The following TAS2R43 variants were observed in gnomAD, a reference collection of about 807,000 sequenced individuals.
The protein encoded by TAS2R43 is taste receptor type 2 member 43.
For synonymous variants in TAS2R43, 76 were observed against 117.4 expected (o/e 0.65, Z 2.28); for missense variants, 246 against 348.2 (o/e 0.71, Z 2.34).
At position 11,092,309 on chromosome 12, in the gene TAS2R43, G is replaced by C. The variant is rs1274794149; in HGVS notation, c.-80C>G. ...TTCCTGCAGGTGGGTTCGTGGTCTC[G>C]CTGACTTCAAAAGGGAGCCACTGAC... On this transcript the variant is annotated 5_prime_UTR_variant, in exon 1 of 1. Transcript: ENST00000531678. The C allele has an allele frequency of 1.1e-4, 97 of 901,722 alleles. 10 individuals carry two copies. Among genetic ancestry groups the C allele is most frequent in the Middle Eastern group, 6.3e-4 (3 of 4,768 alleles). The allele number at this position is 901,722 out of a possible 1,614,324, so 55.9% of individuals were successfully genotyped here. A position where few individuals can be genotyped will look rare whatever the true frequency, so the allele number is the denominator to read the frequency against.
At position 11,091,923 on chromosome 12, in the gene TAS2R43, T is replaced by A. The variant is rs753311828; in HGVS notation, c.307A>T (p.Ser103Cys). 1 of 1,231,330 alleles carries A rather than the reference T, an allele frequency of 8.1e-7. No homozygotes were observed. The highest frequency in any genetic ancestry group is 1.2e-6 in the Non-Finnish European group (1 of 868,424). The allele number at this position is 1,231,330 out of a possible 1,614,324, so 76.3% of individuals were successfully genotyped here. A position where few individuals can be genotyped will look rare whatever the true frequency, so the allele number is the denominator to read the frequency against. The change falls in exon 1 of 1, where the codon AGC becomes TGC. Residue 103 changes from serine to cysteine, a missense_variant. Ser to Cys is a moderately radical substitution (Grantham distance 112). Coordinates refer to ENST00000531678, the MANE Select transcript of TAS2R43 (RefSeq NM_176884.2). ...HFSNWLATTLSIFYLLKIANF... is the reference protein window; with the variant it reads ...HFSNWLATTLCIFYLLKIANF... The stretch of plus-strand genomic sequence containing the variant: ...GCAATCTTGAGCAAATAAAATATGC[T>A]GAGGGTAGTAGCAAGCCAGTTGCTG...
chr12:11,092,269 T>G lies in TAS2R43; in HGVS notation c.-40A>C. Reference sequence around the variant, plus strand: ...AAAAAATTTTTTTAAATGCTGGTGTTGTGTCCGGAATTGGTTCCTGCAGGT... The same window carrying G: ...AAAAAATTTTTTTAAATGCTGGTGTGGTGTCCGGAATTGGTTCCTGCAGGT... On this transcript the variant is annotated 5_prime_UTR_variant, in exon 1 of 1. Transcript: ENST00000531678. 1 of 1,217,704 alleles carries G rather than the reference T, an allele frequency of 8.2e-7. No individual in the cohort carries two copies. Among genetic ancestry groups the G allele is most frequent in the Non-Finnish European group, 1.2e-6 (1 of 856,402 alleles). The allele number at this position is 1,217,704 out of a possible 1,614,324, so 75.4% of individuals were successfully genotyped here.
At position 11,092,077 on chromosome 12, in the gene TAS2R43, C is replaced by G; in HGVS notation, c.153G>C (p.Leu51=). 2 of 1,551,812 alleles carry G rather than the reference C, an allele frequency of 1.3e-6. No homozygotes were observed. The highest frequency in any genetic ancestry group is 1.8e-6 in the Non-Finnish European group (2 of 1,132,828). Residue 51 remains leucine (L), a synonymous_variant, in exon 1 of 1, where the codon CTG becomes CTC. Coordinates refer to ENST00000531678, the MANE Select transcript of TAS2R43 (RefSeq NM_176884.2). The part of the protein sequence containing the change: ...ISFADQILTA[L]AVSRVGLLWV... ...AGAGCAAACCAACTCTGGAGACCGCCAGAGCAGTGAGAATTTGGTCAGCAA... is the reference window on the plus strand; with the variant it reads ...AGAGCAAACCAACTCTGGAGACCGCGAGAGCAGTGAGAATTTGGTCAGCAA...
chr12:11,092,092 T>A lies in TAS2R43; in HGVS notation c.138A>T (p.Gln46His), dbSNP rs1242419662. Residue 46 changes from glutamine (Q) to histidine (H), a missense_variant, in exon 1 of 1, where the codon CAA (glutamine) becomes CAT (histidine). Transcript: ENST00000531678. ...TGGAGACCGCCAGAGCAGTGAGAATTTGGTCAGCAAAGGAGATCTTTTGTC... is the reference window on the plus strand; with the variant it reads ...TGGAGACCGCCAGAGCAGTGAGAATATGGTCAGCAAAGGAGATCTTTTGTC... ...FKRQKISFAD[Q>H]ILTALAVSRV... The A allele has an allele frequency of 6.7e-7, 1 of 1,502,030 alleles. No individual in the cohort carries two copies. The highest frequency in any genetic ancestry group is 2.2e-5 in the East Asian group (1 of 44,644). 93.0% of individuals were successfully genotyped at this position (1,502,030 alleles called of 1,614,324 possible).
rs751636330 is a variant in TAS2R43, at chr12:11,091,765, T to C, written c.465A>G (p.Thr155=). ...AAGTCATGTTTCCTTCAAATTCTTTTGTCCGCACAATCTCATTCATGTTTA... is the reference window on the plus strand; with the variant it reads ...AAGTCATGTTTCCTTCAAATTCTTTCGTCCGCACAATCTCATTCATGTTTA... ...FVINMNEIVR[T]KEFEGNMTWK... is the part of the protein sequence containing the mutation. Residue 155 remains threonine (T), a synonymous_variant, in exon 1 of 1, where the codon ACA becomes ACG. Transcript: ENST00000531678. 7.4e-7 allele frequency: 1 copy of C among 1,352,290 alleles called. No individual in the cohort carries two copies. Among genetic ancestry groups the C allele is most frequent in the Non-Finnish European group, 1.1e-6 (1 of 950,518 alleles). 83.8% of individuals were successfully genotyped at this position (1,352,290 alleles called of 1,614,324 possible).
In TAS2R43 at chr12:11,091,703, T is replaced by C; in HGVS notation, c.527A>G (p.Asn176Ser). 7.9e-7 allele frequency: 1 copy of C among 1,259,778 alleles called. No homozygotes were observed. Among genetic ancestry groups the C allele is most frequent in the Non-Finnish European group, 1.1e-6 (1 of 887,610 alleles). 78.0% of individuals were successfully genotyped at this position (1,259,778 alleles called of 1,614,324 possible). A position where few individuals can be genotyped will look rare whatever the true frequency, so the allele number is the denominator to read the frequency against. ...IKLKSAMYFS[N>S]MTVTMVANLV... is the part of the protein sequence containing the mutation. The stretch of plus-strand genomic sequence containing the variant: ...GTTTGCTACCATGGTTACAGTCATA[T>C]TTGAAAAGTACATTGCACTCTTCAA... Residue 176 changes from asparagine (N) to serine (S), a missense_variant, in exon 1 of 1, where the codon AAT becomes AGT. Transcript: ENST00000531678.
rs745455553 is a variant in TAS2R43, at chr12:11,091,313, GTCT to G, written c.914_916del (p.Lys305del). On this transcript the variant is annotated inframe_deletion, in exon 1 of 1. Transcript: ENST00000531678. ...CCTCTCGTGAATCTATGGAGATGAA[GTCT>G]TCTCTCCTTTCACCCAGTACCTCAT... 1.1e-5 allele frequency: 14 copies of G among 1,219,106 alleles called. 3 individuals carry two copies. In the African/African-American group the frequency reaches 2.3e-4, roughly 20 times the overall value. 75.5% of individuals were successfully genotyped at this position (1,219,106 alleles called of 1,614,324 possible).
Position 11,092,025 on chromosome 12 carries a change from T to C in TAS2R43, c.205A>G (p.Thr69Ala), listed in dbSNP as rs1415491814. Residue 69 changes from threonine to alanine, a missense_variant, in exon 1 of 1, where the codon ACT becomes GCT. Transcript: ENST00000531678. ...LWVLLLNWYS[T>A]VLNPAFNSVE... ...CTATTAAAAGCTGGATTCAACACAG[T>C]TGAATACCAGTTTAATAATAATACC... The C allele has an allele frequency of 2.7e-6, 4 of 1,488,160 alleles. No individual in the cohort carries two copies. Among genetic ancestry groups the C allele is most frequent in the South Asian group, 1.1e-5 (1 of 88,750 alleles). 92.2% of individuals were successfully genotyped at this position (1,488,160 alleles called of 1,614,324 possible).
In TAS2R43 at chr12:11,091,831, C is replaced by T. The variant is rs770530290; in HGVS notation, c.399G>A (p.Leu133=). 47 of 1,499,666 alleles carry T rather than the reference C, an allele frequency of 3.1e-5. No individual in the cohort carries two copies. Among genetic ancestry groups the T allele is most frequent in the Non-Finnish European group, 4.0e-5 (43 of 1,081,670 alleles). 92.9% of individuals were successfully genotyped at this position (1,499,666 alleles called of 1,614,324 possible). Residue 133 remains leucine (L), a synonymous_variant, in exon 1 of 1, where the codon TTG becomes TTA. Coordinates refer to ENST00000531678, the MANE Select transcript of TAS2R43 (RefSeq NM_176884.2). ...AAGCCAAAAATAGCAAAGGCCCCAA[C>T]AACATCACCAGAATGACACTCTTAA... ...RRVKSVILVM[L]LGPLLFLACH... is the part of the protein sequence containing the mutation.
chr12:11,091,928 G>T lies in TAS2R43; in HGVS notation c.302C>A (p.Thr101Asn). The change falls in exon 1 of 1, where the codon ACC becomes AAC. Residue 101 changes from threonine (T) to asparagine (N), a missense_variant. Physicochemically the swap from Thr to Asn is moderately conservative, Grantham distance 65 (BLOSUM62 0). Coordinates refer to ENST00000531678, the MANE Select transcript of TAS2R43 (RefSeq NM_176884.2). ...INHFSNWLAT[T>N]LSIFYLLKIA... ...CTTGAGCAAATAAAATATGCTGAGG[G>T]TAGTAGCAAGCCAGTTGCTGAAATG... 1 of 1,187,558 alleles carries T rather than the reference G, an allele frequency of 8.4e-7. No individual in the cohort carries two copies. 73.6% of individuals were successfully genotyped at this position (1,187,558 alleles called of 1,614,324 possible). A position where few individuals can be genotyped will look rare whatever the true frequency, so the allele number is the denominator to read the frequency against.
In TAS2R43 at chr12:11,092,174, A is replaced by G. The variant is rs1944938585; in HGVS notation, c.56T>C (p.Ile19Thr). The stretch of plus-strand genomic sequence containing the variant: ...TATGAAGCCATTAGCAAAATTTCCA[A>G]TAACAAATGTAACCACTACCAGACT... Reference protein sequence around the residue: ...FSSLVVVTFVIGNFANGFIAL... With the variant: ...FSSLVVVTFVTGNFANGFIAL... The change falls in exon 1 of 1, where the codon ATT (isoleucine) becomes ACT (threonine). Residue 19 changes from isoleucine (I) to threonine (T), a missense_variant. Ile to Thr is a moderately conservative substitution (Grantham distance 89). Coordinates refer to ENST00000531678, the MANE Select transcript of TAS2R43 (RefSeq NM_176884.2). The G allele has an allele frequency of 3.7e-6, 5 of 1,356,408 alleles. No individual in the cohort carries two copies. In the East Asian group the frequency reaches 6.9e-5, roughly 19 times the overall value. 84.0% of individuals were successfully genotyped at this position (1,356,408 alleles called of 1,614,324 possible).
chr12:11,092,158 A>T lies in TAS2R43; in HGVS notation c.72T>A (p.Asn24Lys). 3 of 1,351,548 alleles carry T rather than the reference A, an allele frequency of 2.2e-6. No homozygotes were observed. Among genetic ancestry groups the T allele is most frequent in the Non-Finnish European group, 3.1e-6 (3 of 957,902 alleles). The allele number at this position is 1,351,548 out of a possible 1,614,324, so 83.7% of individuals were successfully genotyped here. A position where few individuals can be genotyped will look rare whatever the true frequency, so the allele number is the denominator to read the frequency against. Reference protein sequence around the residue: ...VVTFVIGNFANGFIALVNSIE... With the variant: ...VVTFVIGNFAKGFIALVNSIE... ...TGGAATTTACCAGTGCTATGAAGCCATTAGCAAAATTTCCAATAACAAATG... is the reference window on the plus strand; with the variant it reads ...TGGAATTTACCAGTGCTATGAAGCCTTTAGCAAAATTTCCAATAACAAATG... The change falls in exon 1 of 1, where the codon AAT (asparagine) becomes AAA (lysine). Residue 24 changes from asparagine (N) to lysine (K), a missense_variant. Physicochemically the swap from Asn to Lys is moderately conservative, Grantham distance 94 (BLOSUM62 0). Transcript: ENST00000531678.
Position 11,091,467 on chromosome 12 carries a change from G to C in TAS2R43, c.763C>G (p.Leu255Val), listed in dbSNP as rs1212977871. ...IMISVWSFGSLENKPVFMFCK... is the reference protein window; with the variant it reads ...IMISVWSFGSVENKPVFMFCK... The stretch of plus-strand genomic sequence containing the variant: ...AACATGAAGACAGGTTTGTTTTCCA[G>C]ACTTCCAAAACTCCAAACTGATATC... The change falls in exon 1 of 1, where the codon CTG (leucine) becomes GTG (valine). Residue 255 changes from leucine (L) to valine (V), a missense_variant. By Grantham distance (32) the Leu-to-Val change is conservative. Transcript: ENST00000531678. 3.1e-6 allele frequency: 4 copies of C among 1,281,754 alleles called. No individual in the cohort carries two copies. Among genetic ancestry groups the C allele is most frequent in the African/African-American group, 3.1e-5 (2 of 65,184 alleles). 79.4% of individuals were successfully genotyped at this position (1,281,754 alleles called of 1,614,324 possible).
chr12:11,091,786 G>A lies in TAS2R43; in HGVS notation c.444C>T (p.Asn148=). 2.8e-6 allele frequency: 4 copies of A among 1,433,890 alleles called. 1 individual carries two copies. Among genetic ancestry groups the A allele is most frequent in the Non-Finnish European group, 3.9e-6 (4 of 1,019,974 alleles). 88.8% of individuals were successfully genotyped at this position (1,433,890 alleles called of 1,614,324 possible). ...LFLACHLFVI[N]MNEIVRTKEF... Reference sequence around the variant, plus strand: ...CTTTTGTCCGCACAATCTCATTCATGTTTATCACAAAAAGATGACAAGCCA... The same window carrying A: ...CTTTTGTCCGCACAATCTCATTCATATTTATCACAAAAAGATGACAAGCCA... Residue 148 remains asparagine (N), a synonymous_variant, in exon 1 of 1, where the codon AAC becomes AAT. Coordinates refer to ENST00000531678, the MANE Select transcript of TAS2R43 (RefSeq NM_176884.2).
chr12:11,091,927 G>C lies in TAS2R43; in HGVS notation c.303C>G (p.Thr101=), dbSNP rs758799232. 3 of 1,230,232 alleles carry C rather than the reference G, an allele frequency of 2.4e-6. 1 individual carries two copies. The highest frequency in any genetic ancestry group is 3.5e-6 in the Non-Finnish European group (3 of 867,714). The allele number at this position is 1,230,232 out of a possible 1,614,324, so 76.2% of individuals were successfully genotyped here. ...INHFSNWLAT[T]LSIFYLLKIA... ...TCTTGAGCAAATAAAATATGCTGAG[G>C]GTAGTAGCAAGCCAGTTGCTGAAAT... The change falls in exon 1 of 1, where the codon ACC becomes ACG. Residue 101 remains threonine, a synonymous_variant. Coordinates refer to ENST00000531678, the MANE Select transcript of TAS2R43 (RefSeq NM_176884.2).
At position 11,091,330 on chromosome 12, in the gene TAS2R43, C is replaced by G. The variant is rs3759247; in HGVS notation, c.900G>C (p.Trp300Cys). ...GAGATGAAGTCTTCTCTCCTTTCAC[C>G]CAGTACCTCATTTGCCAAAAAACTG... Reference protein sequence around the residue: ...FLSVFWQMRYWVKGEKTSSP With the variant: ...FLSVFWQMRYCVKGEKTSSP The change falls in exon 1 of 1, where the codon TGG (tryptophan) becomes TGC (cysteine). Residue 300 changes from tryptophan (W) to cysteine (C), a missense_variant. Transcript: ENST00000531678. The G allele has an allele frequency of 7.1e-6, 8 of 1,122,332 alleles. 2 individuals are homozygous for G. Among genetic ancestry groups the G allele is most frequent in the Non-Finnish European group, 1.0e-5 (8 of 795,066 alleles). The allele number at this position is 1,122,332 out of a possible 1,614,324, so 69.5% of individuals were successfully genotyped here. A position where few individuals can be genotyped will look rare whatever the true frequency, so the allele number is the denominator to read the frequency against.
At position 11,092,171 on chromosome 12, in the gene TAS2R43, C is replaced by T; in HGVS notation, c.59G>A (p.Gly20Glu). The T allele has an allele frequency of 7.4e-7, 1 of 1,355,252 alleles. No homozygotes were observed. The highest frequency in any genetic ancestry group is 1.0e-6 in the Non-Finnish European group (1 of 961,260). 84.0% of individuals were successfully genotyped at this position (1,355,252 alleles called of 1,614,324 possible). Residue 20 changes from glycine to glutamate, a missense_variant, in exon 1 of 1, where the codon GGA becomes GAA. Coordinates refer to ENST00000531678, the MANE Select transcript of TAS2R43 (RefSeq NM_176884.2). ...SSLVVVTFVI[G>E]NFANGFIALV... is the part of the protein sequence containing the mutation. ...TGCTATGAAGCCATTAGCAAAATTT[C>T]CAATAACAAATGTAACCACTACCAG...
Position 11,091,765 on chromosome 12 carries a change from T to A in TAS2R43, c.465A>T (p.Thr155=). The A allele has an allele frequency of 2.2e-6, 3 of 1,352,290 alleles. No homozygotes were observed. The highest frequency in any genetic ancestry group is 3.2e-6 in the Non-Finnish European group (3 of 950,518). 83.8% of individuals were successfully genotyped at this position (1,352,290 alleles called of 1,614,324 possible). A position where few individuals can be genotyped will look rare whatever the true frequency, so the allele number is the denominator to read the frequency against. ...FVINMNEIVR[T]KEFEGNMTWK... ...AAGTCATGTTTCCTTCAAATTCTTTTGTCCGCACAATCTCATTCATGTTTA... is the reference window on the plus strand; with the variant it reads ...AAGTCATGTTTCCTTCAAATTCTTTAGTCCGCACAATCTCATTCATGTTTA... Residue 155 remains threonine, a synonymous_variant, in exon 1 of 1, where the codon ACA becomes ACT. Coordinates refer to ENST00000531678, the MANE Select transcript of TAS2R43 (RefSeq NM_176884.2).
chr12:11,091,935 C>T lies in TAS2R43; in HGVS notation c.295G>A (p.Ala99Thr), dbSNP rs749052007. Reference protein sequence around the residue: ...AVINHFSNWLATTLSIFYLLK... With the variant: ...AVINHFSNWLTTTLSIFYLLK... ...AAATAAAATATGCTGAGGGTAGTAG[C>T]AAGCCAGTTGCTGAAATGGTTGATC... The change falls in exon 1 of 1, where the codon GCT (alanine) becomes ACT (threonine). Residue 99 changes from alanine (A) to threonine (T), a missense_variant. Physicochemically the swap from Ala to Thr is moderately conservative, Grantham distance 58. Coordinates refer to ENST00000531678, the MANE Select transcript of TAS2R43 (RefSeq NM_176884.2). 6 of 1,229,350 alleles carry T rather than the reference C, an allele frequency of 4.9e-6. 1 individual carries two copies. Among genetic ancestry groups the T allele is most frequent in the Middle Eastern group, 3.6e-4 (2 of 5,522 alleles). The allele number at this position is 1,229,350 out of a possible 1,614,324, so 76.2% of individuals were successfully genotyped here. A position where few individuals can be genotyped will look rare whatever the true frequency, so the allele number is the denominator to read the frequency against.
Sources: gnomAD v4.1 joint callset for allele counts on GRCh38, gnomAD v4.1.1 for gene constraint, MANE v1.5 for transcripts, NCBI Gene and HGNC (gene_info 2026-07-23, HGNC 2026-07-21) for gene names.